COL20A1: variants seen among roughly 807,000 people sequenced by gnomAD.
COL20A1 encodes collagen type XX alpha 1 chain.
A neutral mutation model predicts 152.9 loss-of-function variants in COL20A1; 164 were observed. The observed-to-expected ratio is 1.07, with a 90% CI of 0.94 to 1.22. The LOEUF (loss-of-function observed/expected upper bound fraction) is 1.22. COL20A1 is among the 50% of genes most tolerant of loss of function. The pLI, the probability that COL20A1 is intolerant of heterozygous loss-of-function variation, is 0.00. For missense variants in COL20A1, 1,873 were observed against 1,744.8 expected (o/e 1.07, Z -1.31); for synonymous variants, 864 against 756.0 (o/e 1.14, Z -2.34).
chr20:63,320,002 G>A (rs750657708), intron 23 of COL20A1, 37 bp from the exon 24 acceptor site: 45 of 1,546,070 alleles, frequency 2.9e-5, no homozygotes, highest in African/African-American at 1.2e-4. Flanking sequence ...CACCGGCCCC[G>A]CCTGGGCTGT....
At position 63,312,474 on chromosome 20, in the gene COL20A1, A is replaced by G; in HGVS notation, c.1858A>G (p.Thr620Ala). 5.0e-6 allele frequency: 8 copies of G among 1,606,940 alleles called. No homozygotes were observed. The highest frequency in any genetic ancestry group is 5.9e-6 in the Non-Finnish European group (7 of 1,177,990). The change falls in exon 15 of 36, where the codon ACC becomes GCC. Residue 620 changes from threonine (T) to alanine (A), a missense_variant. Transcript: ENST00000358894. Reference sequence around the variant, plus strand: ...CACGCTGGGGCCTCTCTCTTCCTCCACCACCTACACTGTCCGTGTCACCTG... The same window carrying G: ...CACGCTGGGGCCTCTCTCTTCCTCCGCCACCTACACTGTCCGTGTCACCTG... ...SATLGPLSSSTTYTVRVTCLY... is the reference protein window; with the variant it reads ...SATLGPLSSSATYTVRVTCLY...
chr20:63,314,721 C>T (rs2068061654), intron 19 of COL20A1, among the ~76,000 whole-genome samples: 1 of 152,118 alleles, frequency 6.6e-6, no homozygotes, highest in Admixed American at 6.5e-5. Context: ...GGGTTCCGAG[C>T]ACCTGCCATG....
At chr20:63,297,844 C>T (rs2067817709) in intron 2 of COL20A1, 66 bp from the exon 3 acceptor site, 2 of 1,261,152 alleles carry the variant, frequency 1.6e-6, no homozygotes, top group Admixed American at 1.8e-5. Flanking sequence ...ATGCCTGTAC[C>T]CCCACAGCTG....
At position 63,297,767 on chromosome 20, in the gene COL20A1, G is replaced by A. The variant is rs918663247; in HGVS notation, c.83-143G>A. The A allele has an allele frequency of 1.8e-5, 11 of 626,968 alleles. No homozygotes were observed. In the African/African-American group the frequency reaches 2.0e-4, roughly 12 times the overall value. 38.8% of individuals were successfully genotyped at this position (626,968 alleles called of 1,614,324 possible). ...GGCTGAGTCCGCCTCAGACACCCTG[G>A]GTGGGCTTCTGTCTCTTCGGGGTCC... is the stretch of plus-strand genomic sequence containing the variant. On this transcript the variant is annotated intron_variant, in intron 2 of 35. Transcript: ENST00000358894.
intron 11 of COL20A1, among the ~76,000 whole-genome samples, chr20:63,310,786 T>TC (rs1345390835): frequency 1.3e-5 from 2 of 151,852 alleles, no homozygotes; most frequent in African/African-American, 4.8e-5. Context: ...TTCATGGAGC[T>TC]CCCCCCTGCT....
chr20:63,328,611 G>C (rs1002794285), intron 34 of COL20A1, 113 bp downstream of exon 34: 5 of 1,027,966 alleles, frequency 4.9e-6, no homozygotes, highest in Non-Finnish European at 6.9e-6. Flanking sequence ...TCCTGCTGGA[G>C]ATGCCACTGT....
chr20:63,294,109 CG>C (rs1334224498), intron 1 of COL20A1, among the ~76,000 whole-genome samples: 8 of 1,860 alleles, frequency 4.3e-3, no homozygotes, highest in Admixed American at 8.6e-3. Context: ...TGAGCAGTCT[CG>C]GGGAGCGGGA....
intron 30 of COL20A1, 26 bp downstream of exon 30, chr20:63,326,175 G>A (rs894820881): frequency 8.8e-6 from 14 of 1,588,294 alleles, no homozygotes; most frequent in African/African-American, 6.7e-5. Context: ...CCATGACCCC[G>A]ACCCCCACCC....
chr20:63,311,513 C>T lies in COL20A1; in HGVS notation c.1513C>T (p.Pro505Ser). Residue 505 changes from proline (P) to serine (S), a missense_variant, in exon 12 of 36, where the codon CCC (proline) becomes TCC (serine). Physicochemically the swap from Pro to Ser is moderately conservative, Grantham distance 74 (BLOSUM62 -1). Coordinates refer to ENST00000358894, the MANE Select transcript of COL20A1 (RefSeq NM_020882.4). The surrounding 1 kb of genome is among the most constrained non-coding windows in gnomAD (Gnocchi z 4.4). ...CCTGGTGCGATGTTCTCCTGCTTCC[C>T]CCAAGGGTGAAGAGGAGGAGCGAGA... ...HYLVRCSPAS[P>S]KGEEEEREVQ... 6.3e-7 allele frequency: 1 copy of T among 1,589,980 alleles called. No individual in the cohort carries two copies. Among genetic ancestry groups the T allele is most frequent in the Non-Finnish European group, 8.6e-7 (1 of 1,168,806 alleles).
intron 29 of COL20A1, 88 bp from the exon 30 acceptor site, chr20:63,326,008 G>T (rs1483232756): frequency 1.7e-6 from 2 of 1,182,936 alleles, no homozygotes; most frequent in Non-Finnish European, 2.5e-6. Context: ...GTTACAGGGT[G>T]TGTTGGGTGC....
At chr20:63,318,314 G>A (rs1453597691) in intron 21 of COL20A1, among the ~76,000 whole-genome samples, 1 of 152,218 alleles carries the variant, frequency 6.6e-6, no homozygotes, top group Non-Finnish European at 1.5e-5. Flanking sequence ...TCTCGGGATG[G>A]CAGGAAGGTG....
intron 1 of COL20A1, among the ~76,000 whole-genome samples, chr20:63,293,803 C>T (rs942312862): frequency 4.7e-5 from 7 of 149,436 alleles, no homozygotes; most frequent in Non-Finnish European, 8.9e-5. Context: ...GTGGCTTTCC[C>T]GCCGGGTGAG....
Position 63,314,054 on chromosome 20 carries a change from C to T in COL20A1, c.2359-18C>T, listed in dbSNP as rs753221201. 6.2e-7 allele frequency: 1 copy of T among 1,612,404 alleles called. No individual in the cohort carries two copies. Among genetic ancestry groups the T allele is most frequent in the Non-Finnish European group, 8.5e-7 (1 of 1,179,732 alleles). On this transcript the variant is annotated intron_variant, in intron 18 of 35. Transcript: ENST00000358894. ...AGTTGCCCAGGAAGTGGGGACCAGGCACCCTCCCTTCTCCTAGGTCTCTGT... is the reference window on the plus strand; with the variant it reads ...AGTTGCCCAGGAAGTGGGGACCAGGTACCCTCCCTTCTCCTAGGTCTCTGT...
rs1196157162 is a variant in COL20A1 at position 63,306,956 on chromosome 20, C to T, written c.497-534C>T. Among the ~76,000 whole-genome samples the T allele has an allele frequency of 3.9e-5, 6 of 152,334 alleles. No individual in the cohort carries two copies. Among genetic ancestry groups the T allele is most frequent in the African/African-American group, 1.4e-4 (6 of 41,596 alleles). On this transcript the variant is annotated intron_variant, in intron 5 of 35. Transcript: ENST00000358894. The surrounding 1 kb of genome is among the most constrained non-coding windows in gnomAD (Gnocchi z 6.9). ...GTCCCCACCCATGCAGGCCTCAGGG[C>T]AGCTGGGCCTCTTCGGTCGCCCCAC... is the stretch of plus-strand genomic sequence containing the variant.
At position 63,319,517 on chromosome 20, in the gene COL20A1, G is replaced by GTGACCCCAGGGCTGCCTTGCAGGA. The variant is rs2068129976; in HGVS notation, c.2838_2861dup (p.Gln953_Glu954insAspAspProArgAlaAlaLeuGln). 1.3e-6 allele frequency: 2 copies of GTGACCCCAGGGCTGCCTTGCAGGA among 1,592,872 alleles called. No individual in the cohort carries two copies. The highest frequency in any genetic ancestry group is 1.7e-5 in the Admixed American group (1 of 57,634). On this transcript the variant is annotated inframe_insertion, in exon 23 of 36. Transcript: ENST00000358894. This position sits in a 1 kb window ranked among gnomAD's most constrained non-coding sequence, Gnocchi z 4.4. Reference sequence around the variant, plus strand: ...AAGAAGTCCCTGACCTACTTCCACCGTGACCCCAGGGCTGCCTTGCAGGAG... The same window carrying GTGACCCCAGGGCTGCCTTGCAGGA: ...AAGAAGTCCCTGACCTACTTCCACCGTGACCCCAGGGCTGCCTTGCAGGATGACCCCAGGGCTGCCTTGCAGGAG...
Position 63,308,108 on chromosome 20 carries a change from C to T in COL20A1, c.775+18C>T. On this transcript the variant is annotated intron_variant, in intron 7 of 35. Coordinates refer to ENST00000358894, the MANE Select transcript of COL20A1 (RefSeq NM_020882.4). ...GTTCACAGGTACGGCCCAGGCCTGCCCCTCCCTCTGTCCTGAGGGCGGACC... is the reference window on the plus strand; with the variant it reads ...GTTCACAGGTACGGCCCAGGCCTGCTCCTCCCTCTGTCCTGAGGGCGGACC... 1 of 1,611,548 alleles carries T rather than the reference C, an allele frequency of 6.2e-7. No individual in the cohort carries two copies. Among genetic ancestry groups the T allele is most frequent in the Non-Finnish European group, 8.5e-7 (1 of 1,179,122 alleles).
chr20:63,326,958 G>T, intron 31 of COL20A1, 135 bp downstream of exon 31: 1 of 566,744 alleles, frequency 1.8e-6, no homozygotes, highest in South Asian at 2.8e-5. Context: ...ACTTCCTGTT[G>T]ACAGCCCACA....
chr20:63,322,158 A>G, intron 27 of COL20A1, 47 bp downstream of exon 27: 2 of 1,392,902 alleles, frequency 1.4e-6, no homozygotes, highest in Non-Finnish European at 1.9e-6. Context: ...GATCGTACCT[A>G]CCAGAAGAGA....
chr20:63,312,396 A>G (rs773369394), intron 14 of COL20A1, 24 bp from the exon 15 acceptor site: 1 of 1,541,350 alleles, frequency 6.5e-7, no homozygotes, highest in Non-Finnish European at 8.7e-7. Context: ...TGGGCCTGCC[A>G]TGTCGCCCTC....
Sources: gnomAD v4.1 joint callset for allele counts (sites outside exome capture counted in the v4.1 genomes callset) on GRCh38, gnomAD v4.1.1 for gene constraint, Gnocchi (gnomAD v3.1) non-coding constraint, MANE v1.5 for transcripts, NCBI Gene and HGNC (gene_info 2026-07-23, HGNC 2026-07-21) for gene names.